CUX1: variants seen among roughly 807,000 people sequenced by gnomAD.
CUX1 encodes the protein protein CASP.
A neutral mutation model predicts 158.8 loss-of-function variants in CUX1; 31 were observed. The observed-to-expected ratio is 0.20, with a 90% CI of 0.15 to 0.26. The LOEUF (loss-of-function observed/expected upper bound fraction) is 0.26, where lower values mean the gene tolerates loss of function less well. Ranked by LOEUF, CUX1 falls within the 10% of genes least tolerant of loss-of-function variation. CUX1 has a pLI of 1.00. For synonymous variants in CUX1, 879 were observed against 862.1 expected, an observed-to-expected ratio of 1.02 and a Z score of -0.34; for missense variants, 1,589 against 2,014.6, an observed-to-expected ratio of 0.79 and a Z score of 4.04.
At chr7:102,160,097 CTT>C (rs1554506606) in intron 9 of CUX1, among the ~76,000 whole-genome samples, 1 of 151,876 alleles carries the variant, frequency 6.6e-6, no homozygotes, top group Non-Finnish European at 1.5e-5. Context: ...AGGAGAATCA[CTT>C]GAACCCAGAA....
At chr7:101,913,542 C>T (rs530697417) in intron 1 of CUX1, 25 of 424,350 alleles carry the variant, frequency 5.9e-5, no homozygotes, top group South Asian at 5.6e-4. Flanking sequence ...CCGAGGGGGA[C>T]GGAGGGGGCC....
At chr7:102,115,596 G>A (rs1416741478) in intron 8 of CUX1, 4 of 237,366 alleles carry the variant, frequency 1.7e-5, no homozygotes, top group East Asian at 9.3e-5. Flanking sequence ...TGTCTTTTTC[G>A]CTGGGCCACA....
intron 2 of CUX1, among the ~76,000 whole-genome samples, chr7:101,957,190 C>T (rs569583469): frequency 6.6e-6 from 1 of 152,038 alleles, no homozygotes; most frequent in Non-Finnish European, 1.5e-5. Context: ...TGCTGTATCA[C>T]CCTAGTTTAA....
chr7:102,021,078 C>T (rs776907539), intron 2 of CUX1, among the ~76,000 whole-genome samples: 1 of 151,922 alleles, frequency 6.6e-6, no homozygotes, highest in African/African-American at 2.4e-5. Flanking sequence ...TCAAGTCTTT[C>T]AGAAGTGACC....
At chr7:101,888,799 A>G (rs1370808842) in intron 1 of CUX1, among the ~76,000 whole-genome samples, 1 of 152,038 alleles carries the variant, frequency 6.6e-6, no homozygotes, top group African/African-American at 2.4e-5. Flanking sequence ...CATGATGGCC[A>G]GGCTGGTCTT....
At chr7:102,082,582 G>T (rs1472481709) in intron 4 of CUX1, among the ~76,000 whole-genome samples, 1 of 147,132 alleles carries the variant, frequency 6.8e-6, no homozygotes, top group South Asian at 2.2e-4. Flanking sequence ...GTGTGATAGC[G>T]TGGCCACCTT....
chr7:102,025,555 G>C (rs987869341), intron 2 of CUX1, among the ~76,000 whole-genome samples: 1 of 152,104 alleles, frequency 6.6e-6, no homozygotes, highest in Admixed American at 6.5e-5. Flanking sequence ...TTGAACCCGG[G>C]AGGTGGAGGT....
At chr7:102,280,165 C>T in intron 19 of CUX1, 2 of 1,282,920 alleles carry the variant, frequency 1.6e-6, no homozygotes, top group Non-Finnish European at 2.2e-6. Flanking sequence ...GGCATCAGCC[C>T]AGGGAAGCCC....
At chr7:101,977,206 C>T (rs1045306219) in intron 2 of CUX1, among the ~76,000 whole-genome samples, 4 of 152,110 alleles carry the variant, frequency 2.6e-5, no homozygotes, top group Non-Finnish European at 5.9e-5. Context: ...AGCCACTGCA[C>T]CCAGCACCCT....
chr7:101,908,915 A>T (rs1803077736), intron 1 of CUX1, among the ~76,000 whole-genome samples: 1 of 152,204 alleles, frequency 6.6e-6, no homozygotes, highest in Non-Finnish European at 1.5e-5. Flanking sequence ...TACAATGGGG[A>T]TGCGGCCTGG....
chr7:101,984,141 T>C (rs202166), intron 2 of CUX1, among the ~76,000 whole-genome samples: 1,292 of 63,306 alleles, frequency 0.02, 86 homozygotes, highest in Non-Finnish European at 0.027. Context: ...CACACACACA[T>C]ATATATATGT....
intron 6 of CUX1, among the ~76,000 whole-genome samples, chr7:102,106,387 T>C (rs2734782): frequency 0.62 from 93,362 of 151,614 alleles, 30,300 homozygotes; most frequent in African/African-American, 0.78. Context: ...CGCACCCGGC[T>C]CTTGGTGAAT....
intron 20 of CUX1, among the ~76,000 whole-genome samples, chr7:102,221,907 A>G (rs1797845671): frequency 6.6e-6 from 1 of 152,122 alleles, no homozygotes; most frequent in Non-Finnish European, 1.5e-5. Flanking sequence ...GGTCCTTGGA[A>G]GCGAGGTTTT....
At chr7:101,928,946 A>G (rs992657465) in intron 2 of CUX1, among the ~76,000 whole-genome samples, 1 of 151,862 alleles carries the variant, frequency 6.6e-6, no homozygotes, top group Non-Finnish European at 1.5e-5. Context: ...CTGAGATTAC[A>G]GGCGTGAGCC....
chr7:101,921,040 G>T (rs1233365235), intron 2 of CUX1, among the ~76,000 whole-genome samples: 1 of 152,038 alleles, frequency 6.6e-6, no homozygotes, highest in African/African-American at 2.4e-5. Context: ...CCAGGCTGGT[G>T]TCAGACTCCT....
chr7:101,913,363 G>A (rs1020434373), intron 1 of CUX1: 45 of 1,262,438 alleles, frequency 3.6e-5, no homozygotes, highest in Middle Eastern at 4.3e-4. Flanking sequence ...AGGGAGGGCC[G>A]CAGACCCCCG....
intron 8 of CUX1, among the ~76,000 whole-genome samples, chr7:102,154,976 G>A (rs1194882568): frequency 6.6e-6 from 1 of 152,194 alleles, no homozygotes; most frequent in Non-Finnish European, 1.5e-5. Flanking sequence ...GGAGGATTTA[G>A]GCAATTGTCA....
At chr7:102,022,168 G>A (rs1160191207) in intron 2 of CUX1, among the ~76,000 whole-genome samples, 2 of 152,182 alleles carry the variant, frequency 1.3e-5, no homozygotes, top group African/African-American at 2.4e-5. Context: ...CGTTACAGGT[G>A]CAATTGAACA....
intron 2 of CUX1, among the ~76,000 whole-genome samples, chr7:101,937,119 G>A (rs930137769): frequency 2.2e-4 from 34 of 152,160 alleles, no homozygotes; most frequent in Non-Finnish European, 1.3e-4. Flanking sequence ...GTCCCCTGCC[G>A]GGACTGTGTT....
Sources: allele counts gnomAD v4.1 joint callset (sites outside exome capture counted in the v4.1 genomes callset), GRCh38; gene constraint gnomAD v4.1.1; transcripts MANE v1.5; gene names NCBI Gene and HGNC (gene_info 2026-07-23, HGNC 2026-07-21).